Variants in TMEM132C observed in about 807,000 individuals in gnomAD.
The protein encoded by TMEM132C is protein phosphatase 1, regulatory subunit 152.
Under a neutral mutation model 61.4 loss-of-function variants are expected in TMEM132C, and 29 were observed. That is an observed-to-expected ratio of 0.47 (90% CI 0.35 to 0.64). The LOEUF (loss-of-function observed/expected upper bound fraction) is 0.64. Ranked by LOEUF, TMEM132C falls within the 30% of genes least tolerant of loss-of-function variation. The probability of loss-of-function intolerance (pLI) is 0.00; values close to 1 mark genes in which losing one functional copy is unlikely to be tolerated. For missense variants in TMEM132C, 1,408 were observed against 1,476.9 expected (o/e 0.95, Z 0.76); for synonymous variants, 656 against 633.1 (o/e 1.04, Z -0.54).
intron 1 of TMEM132C, among the ~76,000 whole-genome samples, chr12:128,309,110 C>T (rs1283293962): frequency 6.6e-6 from 1 of 152,052 alleles, no homozygotes; most frequent in Admixed American, 6.6e-5. Flanking sequence ...TCAGTGATCT[C>T]CCGTGACGGG....
intron 1 of TMEM132C, among the ~76,000 whole-genome samples, chr12:128,329,287 AAT>A (rs140504524): frequency 6.6e-6 from 1 of 151,908 alleles, no homozygotes; most frequent in Admixed American, 6.6e-5. Context: ...TTCTGTTTAA[AAT>A]ATATATATAT....
chr12:128,646,009 T>C (rs926985164), intron 4 of TMEM132C, among the ~76,000 whole-genome samples: 2 of 151,378 alleles, frequency 1.3e-5, no homozygotes, highest in Non-Finnish European at 2.9e-5. Context: ...CAGTGTTGGA[T>C]GAGTGTGTTT....
At chr12:128,325,684 G>A (rs1229060587) in intron 1 of TMEM132C, among the ~76,000 whole-genome samples, 1 of 152,078 alleles carries the variant, frequency 6.6e-6, no homozygotes, top group African/African-American at 2.4e-5. Context: ...ACATCGCTTG[G>A]CCATGACTTG....
intron 1 of TMEM132C, among the ~76,000 whole-genome samples, chr12:128,352,216 C>T (rs985510612): frequency 1.3e-5 from 2 of 152,086 alleles, no homozygotes; most frequent in Non-Finnish European, 2.9e-5. Flanking sequence ...CACAGTTCCA[C>T]GGGGCTGGGG....
intron 3 of TMEM132C, among the ~76,000 whole-genome samples, chr12:128,592,207 C>T (rs1217638093): frequency 3.9e-5 from 6 of 152,212 alleles, no homozygotes; most frequent in East Asian, 1.9e-4. Context: ...TACCCTGACA[C>T]GGAGGCTGCG....
chr12:128,293,017 T>A, intron 1 of TMEM132C, among the ~76,000 whole-genome samples: 1 of 152,092 alleles, frequency 6.6e-6, no homozygotes. Flanking sequence ...ATTCTTACAG[T>A]AGACCTTGAT....
In TMEM132C at chr12:128,705,432, A is replaced by G. The variant is rs1196585775; in HGVS notation, c.2464A>G (p.Ser822Gly). 1.3e-6 allele frequency: 2 copies of G among 1,550,788 alleles called. No homozygotes were observed. Among genetic ancestry groups the G allele is most frequent in the Admixed American group, 3.9e-5 (2 of 50,984 alleles). Residue 822 changes from serine to glycine, a missense_variant, in exon 9 of 9, where the codon AGC becomes GGC. By Grantham distance (56) the Ser-to-Gly change is moderately conservative (BLOSUM62 0). Coordinates refer to ENST00000435159, the MANE Select transcript of TMEM132C (RefSeq NM_001136103.3). ...YEEDEIKNHASDRRQKGQHHE... is the reference protein window; with the variant it reads ...YEEDEIKNHAGDRRQKGQHHE... ...GGAAGATGAGATCAAGAACCACGCC[A>G]GCGACCGCCGGCAGAAGGGCCAGCA... is the stretch of plus-strand genomic sequence containing the variant.
At chr12:128,346,943 T>A (rs1045659810) in intron 1 of TMEM132C, among the ~76,000 whole-genome samples, 1 of 152,202 alleles carries the variant, frequency 6.6e-6, no homozygotes, top group Non-Finnish European at 1.5e-5. Flanking sequence ...AAATTTTATT[T>A]CTAGTTTTTG....
At chr12:128,396,866 C>T (rs1874975544) in intron 1 of TMEM132C, among the ~76,000 whole-genome samples, 2 of 152,192 alleles carry the variant, frequency 1.3e-5, no homozygotes, top group Admixed American at 1.3e-4. Flanking sequence ...TGCATTCTCT[C>T]CTGGGGTTTG....
intron 2 of TMEM132C, among the ~76,000 whole-genome samples, chr12:128,441,029 G>A (rs1258266211): frequency 1.3e-5 from 2 of 152,154 alleles, no homozygotes; most frequent in African/African-American, 4.8e-5. Context: ...CGACAAGAGC[G>A]AAACTCCATC....
chr12:128,276,100 C>T (rs1232279165), intron 1 of TMEM132C, among the ~76,000 whole-genome samples: 1 of 152,174 alleles, frequency 6.6e-6, no homozygotes, highest in Non-Finnish European at 1.5e-5. Context: ...TCCTTAATGA[C>T]ATCTGAAAAG....
intron 2 of TMEM132C, among the ~76,000 whole-genome samples, chr12:128,504,277 A>G (rs898567999): frequency 3.3e-5 from 5 of 152,174 alleles, no homozygotes; most frequent in African/African-American, 1.2e-4. Flanking sequence ...AGTTGTGCCA[A>G]TATGCTCTTT....
chr12:128,499,091 C>G (rs1202659416), intron 2 of TMEM132C, among the ~76,000 whole-genome samples: 1 of 152,056 alleles, frequency 6.6e-6, no homozygotes, highest in Non-Finnish European at 1.5e-5. Context: ...TCAAAAAGAG[C>G]AAATTTGAAG....
Position 128,487,751 on chromosome 12 carries a change from T to G in TMEM132C, c.975-56206T>G, listed in dbSNP as rs78324328. On this transcript the variant is annotated intron_variant, in intron 2 of 8. Coordinates refer to ENST00000435159, the MANE Select transcript of TMEM132C (RefSeq NM_001136103.3). The stretch of plus-strand genomic sequence containing the variant: ...CAGAGTGTTCCAGTCACCCTTGGAA[T>G]CTCCCTGGGGCCCCTTCATAGTCAA... Among the ~76,000 whole-genome samples, 1,127 of 151,970 alleles carry G rather than the reference T, an allele frequency of 7.4e-3. 13 individuals carry two copies. The highest frequency in any genetic ancestry group is 0.026 in the African/African-American group (1,072 of 41,404).
Position 128,544,027 on chromosome 12 carries a change from C to G in TMEM132C, c.1045C>G (p.Gln349Glu), listed in dbSNP as rs1337658694. Residue 349 changes from glutamine (Q) to glutamate (E), a missense_variant, in exon 3 of 9, where the codon CAG (glutamine) becomes GAG (glutamate). Physicochemically the swap from Gln to Glu is conservative, Grantham distance 29. Coordinates refer to ENST00000435159, the MANE Select transcript of TMEM132C (RefSeq NM_001136103.3). Reference sequence around the variant, plus strand: ...TGAGCCCCGGCAGTGGGGCGTCAAGCAGGAGGTGGGCAGCGGCGGAAAGCA... The same window carrying G: ...TGAGCCCCGGCAGTGGGGCGTCAAGGAGGAGGTGGGCAGCGGCGGAAAGCA... The part of the protein sequence containing the change: ...TREPRQWGVK[Q>E]EVGSGGKHVT... 3 of 1,548,638 alleles carry G rather than the reference C, an allele frequency of 1.9e-6. No individual in the cohort carries two copies. The highest frequency in any genetic ancestry group is 2.6e-6 in the Non-Finnish European group (3 of 1,145,654).
chr12:128,531,310 C>A (rs1873292375), intron 2 of TMEM132C, among the ~76,000 whole-genome samples: 1 of 152,032 alleles, frequency 6.6e-6, no homozygotes, highest in Non-Finnish European at 1.5e-5. Flanking sequence ...TAAAAGGCAG[C>A]AAAAGGTAAT....
In TMEM132C at chr12:128,694,018, A is replaced by G. The variant is rs929962611; in HGVS notation, c.1639A>G (p.Ile547Val). ...CCAGATAAAGGGCTGGAGGGTCCCC[A>G]TTGTGACCAATAAGAGGTGAGCCTC... is the stretch of plus-strand genomic sequence containing the variant. ...LSQIKGWRVPIVTNKRPTRES... is the reference protein window; with the variant it reads ...LSQIKGWRVPVVTNKRPTRES... Residue 547 changes from isoleucine (I) to valine (V), a missense_variant, in exon 6 of 9, where the codon ATT becomes GTT. Ile to Val is a conservative substitution (Grantham distance 29, BLOSUM62 3). Transcript: ENST00000435159. 4.2e-5 allele frequency: 65 copies of G among 1,551,604 alleles called. No homozygotes were observed. Among genetic ancestry groups the G allele is most frequent in the Non-Finnish European group, 5.2e-5 (60 of 1,147,004 alleles).
intron 2 of TMEM132C, among the ~76,000 whole-genome samples, chr12:128,541,479 C>G (rs1364992632): frequency 6.6e-6 from 1 of 152,180 alleles, no homozygotes; most frequent in Non-Finnish European, 1.5e-5. Context: ...GGTGACCAAC[C>G]CTATCCTGAA....
At chr12:128,571,880 C>T (rs1399216811) in intron 3 of TMEM132C, among the ~76,000 whole-genome samples, 4 of 152,246 alleles carry the variant, frequency 2.6e-5, no homozygotes, top group Non-Finnish European at 2.9e-5. Flanking sequence ...AGGTCTTCAT[C>T]TTCTTAGATA....
Sources: gnomAD v4.1 joint callset for allele counts (sites outside exome capture counted in the v4.1 genomes callset) on GRCh38, gnomAD v4.1.1 for gene constraint, MANE v1.5 for transcripts, NCBI Gene and HGNC (gene_info 2026-07-23, HGNC 2026-07-21) for gene names.